TTLL1: variants seen among roughly 807,000 people sequenced by gnomAD.
The protein encoded by TTLL1 is TTL family tubulin polyglutamylase complex subunit L1, also known as polyglutamylase complex subunit TTLL1.
TTLL1 carries 33 observed loss-of-function variants against 47.8 expected under a neutral mutation model. That is an observed-to-expected ratio of 0.69 (90% confidence interval 0.52 to 0.92). The LOEUF is 0.92. Ranked by LOEUF, TTLL1 falls within the 40% of genes least tolerant of loss-of-function variation. The pLI is 0.00. For missense variants in TTLL1, 488 were observed against 547.5 expected, an observed-to-expected ratio of 0.89 and a Z score of 1.08; for synonymous variants, 225 against 214.1, an observed-to-expected ratio of 1.05 and a Z score of -0.45.
At position 43,039,678 on chromosome 22, in the gene TTLL1, TAGGAA is replaced by T; in HGVS notation, c.*93_*97del. ...AGTGCCTTCGTTTATTTACAGGGCT[TAGGAA>T]AGGAAAAAAGCTCTACAAAAGGGAA... On this transcript the variant is annotated 3_prime_UTR_variant, in exon 11 of 11. Coordinates refer to ENST00000266254, the MANE Select transcript of TTLL1 (RefSeq NM_012263.5). The T allele has an allele frequency of 7.0e-7, 1 of 1,437,518 alleles. No individual in the cohort carries two copies. Among genetic ancestry groups the T allele is most frequent in the Non-Finnish European group, 9.2e-7 (1 of 1,083,650 alleles). 89.0% of individuals were successfully genotyped at this position (1,437,518 alleles called of 1,614,324 possible).
chr22:43,075,425 C>A, intron 3 of TTLL1, 49 bp downstream of exon 3: 2 of 1,502,744 alleles, frequency 1.3e-6, no homozygotes, highest in Non-Finnish European at 1.9e-6. Flanking sequence ...TTAGTAAAAC[C>A]GATACGTAAG....
chr22:43,085,737 G>C (rs1157576582), intron 1 of TTLL1, among the ~76,000 whole-genome samples: 1 of 152,208 alleles, frequency 6.6e-6, no homozygotes, highest in Non-Finnish European at 1.5e-5. Flanking sequence ...TTTTACAGAT[G>C]AGGAAAATGG....
intron 1 of TTLL1, among the ~76,000 whole-genome samples, chr22:43,081,547 ATTTTATTT>A (rs1928888026): frequency 1.3e-5 from 2 of 151,392 alleles, no homozygotes; most frequent in South Asian, 4.2e-4. Context: ...TTTTTAATGT[ATTTTATTT>A]TTTTATTTTT....
At chr22:43,051,668 C>T (rs774381144) in intron 9 of TTLL1, 133 bp downstream of exon 9, 2 of 850,860 alleles carry the variant, frequency 2.4e-6, no homozygotes, top group Non-Finnish European at 4.0e-6. Context: ...AACAATCAAA[C>T]TCGAACATCA....
intron 3 of TTLL1, among the ~76,000 whole-genome samples, chr22:43,070,463 A>T (rs1028826442): frequency 2.6e-5 from 4 of 152,110 alleles, no homozygotes; most frequent in Non-Finnish European, 4.4e-5. Context: ...GCCCCTGCTC[A>T]GAGCCAGAGT....
At position 43,039,566 on chromosome 22, in the gene TTLL1, AATT is replaced by A; in HGVS notation, c.*207_*209del. ...ATATGAAAATTCTGCTTAGGTTAAA[AATT>A]AAAAAAAAAAGAGCGAGTTTTATAC... On this transcript the variant is annotated 3_prime_UTR_variant, in exon 11 of 11. Coordinates refer to ENST00000266254, the MANE Select transcript of TTLL1 (RefSeq NM_012263.5). 4.9e-6 allele frequency: 2 copies of A among 408,366 alleles called. No individual in the cohort carries two copies. Among genetic ancestry groups the A allele is most frequent in the East Asian group, 1.1e-4 (2 of 17,468 alleles). The allele number at this position is 408,366 out of a possible 1,614,324, so 25.3% of individuals were successfully genotyped here. A position where few individuals can be genotyped will look rare whatever the true frequency, so the allele number is the denominator to read the frequency against.
rs1042620513 is a variant in TTLL1 at position 43,084,647 on chromosome 22, G to A, written c.-90+4630C>T. On this transcript the variant is annotated intron_variant, in intron 1 of 10. Transcript: ENST00000266254. Reference sequence around the variant, plus strand: ...CTCCCGAGTAGCCAGGACTACAGGCGCCCGCCACCACGCCCGGATAATTTT... The same window carrying A: ...CTCCCGAGTAGCCAGGACTACAGGCACCCGCCACCACGCCCGGATAATTTT... Among the ~76,000 whole-genome samples, 8 of 152,016 alleles carry A rather than the reference G, an allele frequency of 5.3e-5. 1 individual carries two copies. The highest frequency in any genetic ancestry group is 4.1e-4 in the South Asian group (2 of 4,824).
chr22:43,046,099 C>T (rs1053414657), intron 10 of TTLL1, among the ~76,000 whole-genome samples: 21 of 152,066 alleles, frequency 1.4e-4, no homozygotes, highest in African/African-American at 4.8e-4. Flanking sequence ...CACATGCCTA[C>T]AGTCCCAGCT....
chr22:43,057,953 T>TA (rs112342213), intron 8 of TTLL1, among the ~76,000 whole-genome samples: 14,710 of 88,720 alleles, frequency 0.17, 812 homozygotes, highest in African/African-American at 0.23. Flanking sequence ...TATATATATA[T>TA]TTTTTTTTTT....
chr22:43,059,643 A>G lies in TTLL1; in HGVS notation c.748-116T>C, dbSNP rs537570405. ...TGCCCCCTGGGTGTGGGCATCCAGC[A>G]ACAAGGCAAACATCCAGACCCCTGC... On this transcript the variant is annotated intron_variant, in intron 7 of 10. Transcript: ENST00000266254. The G allele has an allele frequency of 5.4e-6, 7 of 1,302,638 alleles. No individual in the cohort carries two copies. In the African/African-American group the frequency reaches 9.0e-5, roughly 17 times the overall value. The allele number at this position is 1,302,638 out of a possible 1,614,324, so 80.7% of individuals were successfully genotyped here.
chr22:43,059,549 G>A (rs1433693210), intron 7 of TTLL1, 22 bp from the exon 8 acceptor site: 1 of 1,606,284 alleles, frequency 6.2e-7, no homozygotes, highest in Non-Finnish European at 8.5e-7. Context: ...AAAGCGGGCA[G>A]GCATCCCTCA....
intron 9 of TTLL1, among the ~76,000 whole-genome samples, chr22:43,049,584 G>A (rs111364868): frequency 1.6e-3 from 220 of 138,830 alleles, no homozygotes; most frequent in African/African-American, 5.3e-3. Context: ...GCACAACATA[G>A]TGAGACCCCA....
rs372987874 is a variant in TTLL1 at position 43,058,421 on chromosome 22, G to A, written c.891+963C>T. Among the ~76,000 whole-genome samples, 188 of 152,318 alleles carry A rather than the reference G, an allele frequency of 1.2e-3. 1 individual carries two copies. The highest frequency in any genetic ancestry group is 3.7e-3 in the African/African-American group (152 of 41,590). The stretch of plus-strand genomic sequence containing the variant: ...AAAAGAGGCACGCCATTTCCAGCCC[G>A]AAATATCTATGAAATACTAAAGTCA... On this transcript the variant is annotated intron_variant, in intron 8 of 10. Coordinates refer to ENST00000266254, the MANE Select transcript of TTLL1 (RefSeq NM_012263.5).
chr22:43,056,878 A>T (rs987832486), intron 8 of TTLL1, among the ~76,000 whole-genome samples: 2 of 152,146 alleles, frequency 1.3e-5, no homozygotes, highest in Non-Finnish European at 2.9e-5. Context: ...CTGTACCCTC[A>T]AACTCCTGGA....
intron 10 of TTLL1, among the ~76,000 whole-genome samples, chr22:43,041,586 C>G (rs1006622935): frequency 6.8e-6 from 1 of 147,472 alleles, no homozygotes; most frequent in Admixed American, 6.9e-5. Context: ...CCGATCTTGG[C>G]TCACTGCAAC....
chr22:43,046,890 C>T (rs866610108), intron 9 of TTLL1, among the ~76,000 whole-genome samples: 2 of 152,020 alleles, frequency 1.3e-5, no homozygotes, highest in Non-Finnish European at 2.9e-5. Flanking sequence ...AGGCTGGTCT[C>T]GAACTCCTGA....
At position 43,068,535 on chromosome 22, in the gene TTLL1, CT is replaced by C; in HGVS notation, c.377del (p.Glu126GlyfsTer12). 1 of 1,567,458 alleles carries C rather than the reference CT, an allele frequency of 6.4e-7. No homozygotes were observed. Among genetic ancestry groups the C allele is most frequent in the Admixed American group, 1.7e-5 (1 of 58,632 alleles). ...AGGTGCTGGACGGGCTCTTCCGGAACTCCTCTACAAACAGGTTGTAGTCAGC... is the reference window on the plus strand; with the variant it reads ...AGGTGCTGGACGGGCTCTTCCGGAACCCTCTACAAACAGGTTGTAGTCAGC... ...LPADYNLFVE[E>X]FRKSPSSTWI... On this transcript the variant is annotated frameshift_variant, in exon 5 of 11. Transcript: ENST00000266254. LOFTEE classifies it high-confidence loss of function.
intron 1 of TTLL1, among the ~76,000 whole-genome samples, chr22:43,082,012 T>C (rs1028146946): frequency 2.0e-5 from 3 of 151,896 alleles, no homozygotes; most frequent in Non-Finnish European, 2.9e-5. Flanking sequence ...CCCCCGCGCC[T>C]GGCTAGTTTT....
At chr22:43,071,171 C>A (rs962208176) in intron 3 of TTLL1, among the ~76,000 whole-genome samples, 2 of 151,978 alleles carry the variant, frequency 1.3e-5, no homozygotes, top group Admixed American at 6.6e-5. Flanking sequence ...GCCGCCTCAG[C>A]CTCCCAAAGT....
Sources: gnomAD v4.1 joint callset for allele counts (sites outside exome capture counted in the v4.1 genomes callset) on GRCh38, gnomAD v4.1.1 for gene constraint, MANE v1.5 for transcripts, NCBI Gene and HGNC (gene_info 2026-07-23, HGNC 2026-07-21) for gene names.